LAMA2: variants seen among roughly 807,000 people sequenced by gnomAD.
LAMA2 encodes the protein laminin subunit alpha-2.
Under a neutral mutation model 364.8 loss-of-function variants are expected in LAMA2, and 269 were observed. That is an observed-to-expected ratio of 0.74 (90% CI 0.67 to 0.82). The LOEUF (loss-of-function observed/expected upper bound fraction) is 0.82. Ranked by LOEUF, LAMA2 falls within the 40% of genes least tolerant of loss-of-function variation. LAMA2 has a pLI of 0.00. For synonymous variants in LAMA2, 1,379 were observed against 1,370.6 expected (o/e 1.01, Z -0.14); for missense variants, 3,807 against 3,873.2 (o/e 0.98, Z 0.45).
chr6:129,271,464 CTTTTTTTT>C (rs11287525), intron 17 of LAMA2, among the ~76,000 whole-genome samples: 1 of 80,244 alleles, frequency 1.2e-5, no homozygotes, highest in Non-Finnish European at 2.7e-5. Context: ...AATTGGGATA[CTTTTTTTT>C]TTTTTTTTTT....
rs184873100 is a variant in LAMA2 at position 129,216,500 on chromosome 6, A to G, written c.1782+23647A>G. Among the ~76,000 whole-genome samples the G allele has an allele frequency of 2.3e-3, 356 of 152,314 alleles. 1 individual carries two copies. The highest frequency in any genetic ancestry group is 7.5e-3 in the African/African-American group (313 of 41,570). On this transcript the variant is annotated intron_variant, in intron 12 of 64. Transcript: ENST00000421865. ...GAATCATGCTATGTTACAAGTAAGT[A>G]TTAATTAATGGTTGAAGTACAAAAA... is the stretch of plus-strand genomic sequence containing the variant.
At chr6:129,279,988 AAT>A in intron 17 of LAMA2, 71 bp from the exon 18 acceptor site, 1 of 975,702 alleles carries the variant, frequency 1.0e-6, no homozygotes, top group Non-Finnish European at 1.7e-6. Context: ...GAGAGAGAGA[AAT>A]GAGAAAATGC....
chr6:129,148,864 A>C (rs758511547), intron 6 of LAMA2, 115 bp from the exon 7 acceptor site: 12 of 814,860 alleles, frequency 1.5e-5, no homozygotes, highest in Non-Finnish European at 1.7e-5. Flanking sequence ...CTAGTTTTAC[A>C]TTTTAGTACA....
chr6:128,967,931 C>T (rs560444052), intron 1 of LAMA2, among the ~76,000 whole-genome samples: 5 of 152,294 alleles, frequency 3.3e-5, no homozygotes, highest in African/African-American at 1.2e-4. Flanking sequence ...TCCATCGTTG[C>T]TCAAGGGTAA....
intron 1 of LAMA2, among the ~76,000 whole-genome samples, chr6:129,016,642 A>C (rs1196765196): frequency 1.3e-5 from 2 of 151,966 alleles, no homozygotes; most frequent in Non-Finnish European, 2.9e-5. Context: ...TTCAACTTTC[A>C]TGCTAGATAG....
chr6:129,368,751 T>G (rs1466182443), intron 33 of LAMA2, among the ~76,000 whole-genome samples: 2 of 152,232 alleles, frequency 1.3e-5, no homozygotes, highest in African/African-American at 4.8e-5. Context: ...CTAGTCTTTC[T>G]TGATTTTTTA....
chr6:129,337,175 T>C (rs925458092), intron 29 of LAMA2, among the ~76,000 whole-genome samples: 1 of 152,186 alleles, frequency 6.6e-6, no homozygotes, highest in African/African-American at 2.4e-5. Flanking sequence ...AAATGACACA[T>C]ATTAGCAATT....
chr6:129,028,585 A>G (rs1786002007), intron 1 of LAMA2, among the ~76,000 whole-genome samples: 1 of 151,868 alleles, frequency 6.6e-6, no homozygotes, highest in African/African-American at 2.4e-5. Context: ...CCAAGCAAAT[A>G]TATAGAATTC....
At chr6:129,230,053 G>A (rs1784584922) in intron 12 of LAMA2, among the ~76,000 whole-genome samples, 1 of 152,112 alleles carries the variant, frequency 6.6e-6, no homozygotes, top group African/African-American at 2.4e-5. Context: ...CAGAAGACTA[G>A]ATGTGATAAC....
chr6:129,298,626 A>G (rs1265405935), intron 21 of LAMA2, among the ~76,000 whole-genome samples: 1 of 152,206 alleles, frequency 6.6e-6, no homozygotes, highest in East Asian at 1.9e-4. Context: ...TCATGGATTC[A>G]ACCTGGATAA....
intron 16 of LAMA2, among the ~76,000 whole-genome samples, chr6:129,268,747 T>G (rs1787707582): frequency 6.6e-6 from 1 of 152,080 alleles, no homozygotes; most frequent in Non-Finnish European, 1.5e-5. Flanking sequence ...CAGAGCGATC[T>G]TGAGGAAACA....
chr6:129,447,357 G>T (rs576434816), intron 45 of LAMA2, among the ~76,000 whole-genome samples: 25 of 152,256 alleles, frequency 1.6e-4, no homozygotes, highest in Middle Eastern at 3.4e-3. Context: ...ATTGAGGTGG[G>T]ATAGTGCTGG....
chr6:129,446,522 G>C (rs1235394747), intron 45 of LAMA2, among the ~76,000 whole-genome samples: 1 of 65,958 alleles, frequency 1.5e-5, no homozygotes, highest in East Asian at 6.7e-4. Flanking sequence ...GGAGAGGGGA[G>C]GGGAGGGGAG....
intron 3 of LAMA2, among the ~76,000 whole-genome samples, chr6:129,074,118 G>T (rs568271695): frequency 6.6e-6 from 1 of 151,428 alleles, no homozygotes; most frequent in Non-Finnish European, 1.5e-5. Flanking sequence ...TGGAAACCCC[G>T]ACTTGTTTAC....
At chr6:129,107,918 C>G (rs145981168) in intron 4 of LAMA2, among the ~76,000 whole-genome samples, 21 of 152,210 alleles carry the variant, frequency 1.4e-4, no homozygotes, top group African/African-American at 3.6e-4. Flanking sequence ...AGGAGTCCCC[C>G]CTCCTAGCAG....
At chr6:128,922,425 T>C (rs1206147168) in intron 1 of LAMA2, among the ~76,000 whole-genome samples, 1 of 151,630 alleles carries the variant, frequency 6.6e-6, no homozygotes, top group Non-Finnish European at 1.5e-5. Context: ...TGGTATCTCA[T>C]TGTGGTTTTG....
chr6:128,962,905 A>G (rs1781619878), intron 1 of LAMA2, among the ~76,000 whole-genome samples: 1 of 152,314 alleles, frequency 6.6e-6, no homozygotes, highest in South Asian at 2.1e-4. Flanking sequence ...TGTCATCCAC[A>G]TCTCTTATTA....
chr6:129,237,752 C>T (rs1237307231), intron 12 of LAMA2, among the ~76,000 whole-genome samples: 1 of 152,060 alleles, frequency 6.6e-6, no homozygotes, highest in African/African-American at 2.4e-5. Context: ...AAATTGAACC[C>T]ATATATTTTA....
At chr6:129,204,249 T>A (rs1782478531) in intron 12 of LAMA2, among the ~76,000 whole-genome samples, 1 of 152,170 alleles carries the variant, frequency 6.6e-6, no homozygotes, top group Non-Finnish European at 1.5e-5. Flanking sequence ...AGGTGCCAAA[T>A]TAGAGCTAAC....
Sources: gnomAD v4.1 joint callset for allele counts (sites outside exome capture counted in the v4.1 genomes callset) on GRCh38, gnomAD v4.1.1 for gene constraint, MANE v1.5 for transcripts, NCBI Gene and HGNC (gene_info 2026-07-23, HGNC 2026-07-21) for gene names.